Variants in DIS3L2 observed in about 807,000 individuals in gnomAD.
DIS3L2 encodes the protein DIS3-like exonuclease 2.
In DIS3L2, 34 loss-of-function variants were observed where a neutral mutation model predicts 97.5. The observed-to-expected ratio is 0.35, with a 90% CI of 0.27 to 0.46. The LOEUF (loss-of-function observed/expected upper bound fraction) is 0.46, where lower values mean the gene tolerates loss of function less well. Ranked by LOEUF, DIS3L2 falls within the 20% of genes least tolerant of loss-of-function variation. The probability of loss-of-function intolerance (pLI) is 1.00; values close to 1 mark genes in which losing one functional copy is unlikely to be tolerated. For synonymous variants in DIS3L2, 435 were observed against 445.2 expected (o/e 0.98, Z 0.29); for missense variants, 1,038 against 1,146.0 (o/e 0.91, Z 1.36).
chr2:232,134,356 T>C (rs1249880730), intron 7 of DIS3L2, among the ~76,000 whole-genome samples: 5 of 152,222 alleles, frequency 3.3e-5, no homozygotes, highest in Admixed American at 6.5e-5. Context: ...TATAATGCTG[T>C]CCATCTGTAC....
intron 5 of DIS3L2, among the ~76,000 whole-genome samples, chr2:232,051,839 A>AAAAAG (rs1695415886): frequency 7.2e-6 from 1 of 138,020 alleles, no homozygotes. Context: ...AAAAAAAAAA[A>AAAAAG]GAACTAGCTT....
intron 6 of DIS3L2, among the ~76,000 whole-genome samples, chr2:232,110,390 A>G (rs1697490971): frequency 6.6e-6 from 1 of 152,202 alleles, no homozygotes; most frequent in South Asian, 2.1e-4. Flanking sequence ...AGACACATGC[A>G]TGCGTATGTT....
intron 14 of DIS3L2, among the ~76,000 whole-genome samples, chr2:232,310,119 C>T (rs1695084744): frequency 6.6e-6 from 1 of 152,230 alleles, no homozygotes; most frequent in African/African-American, 2.4e-5. Context: ...ACCTAAGAGC[C>T]ATTCATTGCA....
intron 6 of DIS3L2, among the ~76,000 whole-genome samples, chr2:232,119,820 C>T (rs1219822233): frequency 2.0e-5 from 3 of 152,182 alleles, no homozygotes; most frequent in African/African-American, 7.2e-5. Context: ...ACTGCATGGC[C>T]AGCTTAAAGA....
chr2:232,227,383 G>T (rs1692678462), intron 10 of DIS3L2, among the ~76,000 whole-genome samples: 1 of 152,142 alleles, frequency 6.6e-6, no homozygotes, highest in African/African-American at 2.4e-5. Flanking sequence ...GACCTCCCTG[G>T]GTCTCAGTGT....
At chr2:232,330,031 T>C (rs1270711329) in intron 15 of DIS3L2, 35 bp downstream of exon 15, 5 of 1,576,610 alleles carry the variant, frequency 3.2e-6, no homozygotes, top group South Asian at 2.3e-5. Flanking sequence ...GAGGCCCTGC[T>C]TGGGGGAAAG....
chr2:232,205,910 T>TC (rs1408568247), intron 9 of DIS3L2, among the ~76,000 whole-genome samples: 3 of 152,160 alleles, frequency 2.0e-5, no homozygotes, highest in Non-Finnish European at 4.4e-5. Context: ...TGCATCAACT[T>TC]CCCCCATAAG....
intron 5 of DIS3L2, among the ~76,000 whole-genome samples, chr2:232,086,659 A>ATGTG (rs753898708): frequency 0.043 from 4,001 of 92,298 alleles, 380 homozygotes; most frequent in Middle Eastern, 0.094. Flanking sequence ...ATATATATAT[A>ATGTG]TGTGTGTGTG....
chr2:232,130,021 G>A (rs547101514), intron 6 of DIS3L2, among the ~76,000 whole-genome samples: 23 of 152,100 alleles, frequency 1.5e-4, no homozygotes, highest in Admixed American at 1.3e-3. Context: ...GTGAATGTGC[G>A]TTTTGTAAGT....
intron 16 of DIS3L2, 78 bp from the exon 17 acceptor site, chr2:232,333,760 AGG>A: frequency 2.8e-5 from 40 of 1,417,334 alleles, no homozygotes; most frequent in Admixed American, 2.0e-4. Flanking sequence ...GCCGACGGTG[AGG>A]CTGTGGGTGG....
intron 3 of DIS3L2, among the ~76,000 whole-genome samples, chr2:232,022,886 T>A (rs1694558003): frequency 1.3e-5 from 2 of 152,222 alleles, no homozygotes; most frequent in South Asian, 4.1e-4. Context: ...ACTGTGACAC[T>A]CTTTAACAAG....
chr2:232,284,992 A>G (rs1405389875), intron 13 of DIS3L2, among the ~76,000 whole-genome samples: 1 of 152,224 alleles, frequency 6.6e-6, no homozygotes, highest in African/African-American at 2.4e-5. Context: ...CATTTTACAG[A>G]TGAAGTCCTG....
At chr2:232,036,650 TGTGGATTTATTTACCCTTG>T (rs1257314243) in intron 5 of DIS3L2, among the ~76,000 whole-genome samples, 3 of 152,210 alleles carry the variant, frequency 2.0e-5, no homozygotes, top group African/African-American at 7.2e-5. Context: ...TCCTCATCTT[TGTGGATTTATTTACCCTTG>T]GTCTTTCCTG....
chr2:232,234,534 A>G (rs1372473302), intron 10 of DIS3L2, among the ~76,000 whole-genome samples: 8 of 152,168 alleles, frequency 5.3e-5, no homozygotes, highest in Non-Finnish European at 1.2e-4. Flanking sequence ...ATTTTTTAGT[A>G]GAGATGGGGT....
At chr2:232,042,378 C>T (rs1286318871) in intron 5 of DIS3L2, among the ~76,000 whole-genome samples, 1 of 151,852 alleles carries the variant, frequency 6.6e-6, no homozygotes, top group Non-Finnish European at 1.5e-5. Flanking sequence ...TATATAACCA[C>T]TATCATTTTG....
At chr2:232,159,541 AT>A (rs1435761273) in intron 8 of DIS3L2, among the ~76,000 whole-genome samples, 18 of 152,232 alleles carry the variant, frequency 1.2e-4, no homozygotes, top group African/African-American at 4.3e-4. Context: ...GGTCACTTCC[AT>A]GACGGGAATT....
intron 5 of DIS3L2, among the ~76,000 whole-genome samples, chr2:232,076,558 A>T (rs3116245): frequency 6.6e-6 from 1 of 152,084 alleles, no homozygotes; most frequent in Non-Finnish European, 1.5e-5. Context: ...TTATTGCTAC[A>T]TGGCATCTCT....
chr2:232,096,956 C>A (rs1697037557), intron 6 of DIS3L2, among the ~76,000 whole-genome samples: 1 of 152,104 alleles, frequency 6.6e-6, no homozygotes, highest in Non-Finnish European at 1.5e-5. Context: ...GTTATGTTTT[C>A]CCAGATGGTG....
chr2:232,208,169 C>G (rs779577560), intron 9 of DIS3L2, among the ~76,000 whole-genome samples: 3 of 152,272 alleles, frequency 2.0e-5, no homozygotes, highest in Non-Finnish European at 2.9e-5. Flanking sequence ...GTTCCACTCC[C>G]CCTGCTGCCC....
Sources: gnomAD v4.1 joint callset for allele counts (sites outside exome capture counted in the v4.1 genomes callset) on GRCh38, gnomAD v4.1.1 for gene constraint, MANE v1.5 for transcripts, NCBI Gene and HGNC (gene_info 2026-07-23, HGNC 2026-07-21) for gene names.